ZMIZ1: variants seen among roughly 807,000 people sequenced by gnomAD.
ZMIZ1 encodes the protein zinc finger MIZ-type containing 1.
ZMIZ1 carries 17 observed loss-of-function variants against 113.9 expected under a neutral mutation model. The ratio of observed to expected loss-of-function variants is 0.15; its 90% confidence interval spans 0.10 to 0.22. The LOEUF is 0.22. ZMIZ1 is among the 10% of genes least tolerant of loss of function. The pLI is 1.00. For missense variants in ZMIZ1, 1,059 were observed against 1,477.8 expected (o/e 0.72, Z 4.65); for synonymous variants, 607 against 603.1 (o/e 1.01, Z -0.09).
In ZMIZ1 at chr10:79,197,595, T is replaced by TACACACACAC. The variant is rs10648318; in HGVS notation, c.-49-3983_-49-3974dup. Among the ~76,000 whole-genome samples the TACACACACAC allele has an allele frequency of 9.5e-3, 1,299 of 136,644 alleles. 22 individuals carry two copies. Among genetic ancestry groups the TACACACACAC allele is most frequent in the East Asian group, 0.021 (92 of 4,298 alleles). 89.6% of individuals were successfully genotyped at this position (136,644 alleles called of 152,430 possible). ...ATTACGCCCCTGCCAACCCAGACCA[T>TACACACACAC]ACACACACACACACATACACACACA... On this transcript the variant is annotated intron_variant, in intron 4 of 24. Transcript: ENST00000334512.
At chr10:79,232,443 G>C (rs915835174) in intron 7 of ZMIZ1, among the ~76,000 whole-genome samples, 4 of 152,126 alleles carry the variant, frequency 2.6e-5, no homozygotes, top group Admixed American at 2.6e-4. Flanking sequence ...TACATAATAA[G>C]TATTGGTGGT....
At chr10:79,158,800 A>C (rs1845997930) in intron 3 of ZMIZ1, among the ~76,000 whole-genome samples, 1 of 152,192 alleles carries the variant, frequency 6.6e-6, no homozygotes, top group African/African-American at 2.4e-5. Context: ...CCTACCCCCA[A>C]GTGACATCTG....
chr10:79,136,763 C>G (rs1218714514), intron 2 of ZMIZ1, among the ~76,000 whole-genome samples: 1 of 152,194 alleles, frequency 6.6e-6, no homozygotes, highest in Non-Finnish European at 1.5e-5. Context: ...TAGAACAGTA[C>G]AGCTAAAGGT....
At chr10:79,263,116 C>T (rs894758942) in intron 7 of ZMIZ1, among the ~76,000 whole-genome samples, 2 of 152,234 alleles carry the variant, frequency 1.3e-5, no homozygotes, top group African/African-American at 4.8e-5. Context: ...CGCGTAAGTA[C>T]CACTGCATGC....
At chr10:79,132,611 C>T (rs942266797) in intron 2 of ZMIZ1, among the ~76,000 whole-genome samples, 1 of 152,244 alleles carries the variant, frequency 6.6e-6, no homozygotes, top group Non-Finnish European at 1.5e-5. Flanking sequence ...CTAATTCAAG[C>T]CTTTGTTTTG....
At chr10:79,210,155 G>A (rs531941611) in intron 6 of ZMIZ1, among the ~76,000 whole-genome samples, 1 of 152,322 alleles carries the variant, frequency 6.6e-6, no homozygotes, top group African/African-American at 2.4e-5. Context: ...TTCTACCCCA[G>A]CAGAGGATGG....
intron 7 of ZMIZ1, among the ~76,000 whole-genome samples, chr10:79,254,534 G>GC (rs1433055994): frequency 6.6e-6 from 1 of 152,256 alleles, no homozygotes; most frequent in African/African-American, 2.4e-5. Context: ...ATGGGGCCTG[G>GC]CCCGCTGGTC....
At chr10:79,155,926 C>T (rs894530122) in intron 3 of ZMIZ1, among the ~76,000 whole-genome samples, 4 of 152,218 alleles carry the variant, frequency 2.6e-5, no homozygotes, top group South Asian at 2.1e-4. Context: ...TGGGCTGGCC[C>T]GCCAGCACTC....
chr10:79,263,406 A>G (rs897787500), intron 7 of ZMIZ1, among the ~76,000 whole-genome samples: 4 of 152,132 alleles, frequency 2.6e-5, no homozygotes, highest in African/African-American at 4.8e-5. Context: ...TGGAGGTGAG[A>G]TGGTAGAGTC....
At chr10:79,214,732 A>G (rs193074866) in intron 6 of ZMIZ1, among the ~76,000 whole-genome samples, 2 of 152,252 alleles carry the variant, frequency 1.3e-5, no homozygotes, top group East Asian at 3.9e-4. Context: ...GTACCAGCCT[A>G]CCACATCTGG....
chr10:79,274,240 C>CCTCCCGTCT (rs1852124927), intron 7 of ZMIZ1, among the ~76,000 whole-genome samples: 1 of 152,232 alleles, frequency 6.6e-6, no homozygotes, highest in South Asian at 2.1e-4. Context: ...CACACCAGGT[C>CCTCCCGTCT]CTCCCGTCTC....
At chr10:79,251,582 A>G (rs1850560026) in intron 7 of ZMIZ1, among the ~76,000 whole-genome samples, 1 of 152,180 alleles carries the variant, frequency 6.6e-6, no homozygotes, top group Non-Finnish European at 1.5e-5. Context: ...CCGAACTGGT[A>G]GAACATGCAG....
intron 7 of ZMIZ1, among the ~76,000 whole-genome samples, chr10:79,259,741 C>G (rs924181763): frequency 6.6e-6 from 1 of 151,924 alleles, no homozygotes; most frequent in Non-Finnish European, 1.5e-5. Flanking sequence ...TCAGCCTCCC[C>G]AGTAGCTGGG....
chr10:79,307,644 T>A, intron 23 of ZMIZ1, 73 bp downstream of exon 23: 1 of 1,495,290 alleles, frequency 6.7e-7, no homozygotes, highest in South Asian at 1.2e-5. Flanking sequence ...GGATACCCTG[T>A]TCCCTCCCAG....
At chr10:79,223,205 C>T (rs994735585) in intron 7 of ZMIZ1, among the ~76,000 whole-genome samples, 4 of 152,252 alleles carry the variant, frequency 2.6e-5, no homozygotes, top group African/African-American at 7.2e-5. Context: ...CAAAGCTGTG[C>T]GCAGCTCTGC....
At position 79,315,772 on chromosome 10, in the gene ZMIZ1, A is replaced by G. The variant is rs1855496751; in HGVS notation, c.*3023A>G. The G allele has an allele frequency of 6.5e-6, 1 of 152,766 alleles. No individual in the cohort carries two copies. The highest frequency in any genetic ancestry group is 2.4e-5 in the African/African-American group (1 of 41,440). The allele number at this position is 152,766 out of a possible 1,614,324, so 9.5% of individuals were successfully genotyped here. A position where few individuals can be genotyped will look rare whatever the true frequency, so the allele number is the denominator to read the frequency against. On this transcript the variant is annotated 3_prime_UTR_variant, in exon 25 of 25. Transcript: ENST00000334512. ...AGCGACTCAAGGGACGTGTGTACATATGTAAATGAGAAATAGAGACGTGTC... is the reference window on the plus strand; with the variant it reads ...AGCGACTCAAGGGACGTGTGTACATGTGTAAATGAGAAATAGAGACGTGTC...
intron 1 of ZMIZ1, among the ~76,000 whole-genome samples, chr10:79,106,850 C>G (rs182878744): frequency 2.4e-4 from 37 of 152,338 alleles, no homozygotes; most frequent in African/African-American, 8.7e-4. Flanking sequence ...CTACAGGCAT[C>G]GTGCAGGTGG....
chr10:79,156,224 G>A (rs930886258), intron 3 of ZMIZ1, among the ~76,000 whole-genome samples: 1 of 152,208 alleles, frequency 6.6e-6, no homozygotes, highest in Non-Finnish European at 1.5e-5. Context: ...AGGAAACCAA[G>A]TCGCAGGGAT....
At chr10:79,114,110 C>T (rs1843882736) in intron 1 of ZMIZ1, among the ~76,000 whole-genome samples, 1 of 152,222 alleles carries the variant, frequency 6.6e-6, no homozygotes, top group South Asian at 2.1e-4. Context: ...GGGTGGCCCC[C>T]TCCATTTCTA....
Sources: allele counts gnomAD v4.1 joint callset (sites outside exome capture counted in the v4.1 genomes callset), GRCh38; gene constraint gnomAD v4.1.1; transcripts MANE v1.5; gene names NCBI Gene and HGNC (gene_info 2026-07-23, HGNC 2026-07-21).